SCAPER: variants seen among roughly 807,000 people sequenced by gnomAD.
SCAPER encodes S-phase cyclin A associated protein in the ER.
Under a neutral mutation model 182.2 loss-of-function variants are expected in SCAPER, and 98 were observed. The observed-to-expected ratio is 0.54, with a 90% confidence interval of 0.46 to 0.64. The LOEUF (loss-of-function observed/expected upper bound fraction) is 0.64. SCAPER is among the 30% of genes least tolerant of loss of function. The pLI, the probability that SCAPER is intolerant of heterozygous loss-of-function variation, is 0.00. For synonymous variants in SCAPER, 605 were observed against 564.6 expected (o/e 1.07, Z -1.01); for missense variants, 1,432 against 1,690.0 (o/e 0.85, Z 2.68).
intron 21 of SCAPER, among the ~76,000 whole-genome samples, chr15:76,630,113 T>C (rs900858005): frequency 6.6e-6 from 1 of 152,274 alleles, no homozygotes; most frequent in East Asian, 1.9e-4. Flanking sequence ...GGAAACACAG[T>C]ATTCTCTATT....
At chr15:76,640,093 C>T (rs1284426544) in intron 21 of SCAPER, among the ~76,000 whole-genome samples, 1 of 152,118 alleles carries the variant, frequency 6.6e-6, no homozygotes, top group African/African-American at 2.4e-5. Context: ...TAATAATGGG[C>T]TTGATTGCTG....
chr15:76,629,791 G>C (rs1275778524), intron 21 of SCAPER, among the ~76,000 whole-genome samples: 1 of 152,132 alleles, frequency 6.6e-6, no homozygotes, highest in African/African-American at 2.4e-5. Context: ...TTAGGGAGAA[G>C]TCCCTCCCTT....
intron 21 of SCAPER, among the ~76,000 whole-genome samples, chr15:76,624,682 G>A (rs1333332030): frequency 6.6e-6 from 1 of 152,204 alleles, no homozygotes; most frequent in African/African-American, 2.4e-5. Context: ...TTCTGGTGAA[G>A]TTTTGCTGGG....
intron 27 of SCAPER, among the ~76,000 whole-genome samples, chr15:76,396,206 T>C (rs1189083018): frequency 2.0e-5 from 3 of 152,224 alleles, no homozygotes; most frequent in Non-Finnish European, 2.9e-5. Flanking sequence ...TTTATGCCAG[T>C]ACCATGCTGT....
chr15:76,488,296 T>G (rs1045942684), intron 24 of SCAPER, among the ~76,000 whole-genome samples: 1 of 152,188 alleles, frequency 6.6e-6, no homozygotes, highest in Non-Finnish European at 1.5e-5. Context: ...GCACAGAGGA[T>G]GATAAAATTT....
intron 22 of SCAPER, among the ~76,000 whole-genome samples, chr15:76,590,458 AG>A: frequency 6.6e-6 from 1 of 152,362 alleles, no homozygotes; most frequent in South Asian, 2.1e-4. Context: ...GAATGCACAT[AG>A]ACTTTGGCCC....
intron 22 of SCAPER, among the ~76,000 whole-genome samples, chr15:76,582,697 G>C (rs2048352549): frequency 6.6e-6 from 1 of 152,118 alleles, no homozygotes; most frequent in African/African-American, 2.4e-5. Flanking sequence ...TGACCTCAAA[G>C]TATACTACAA....
intron 26 of SCAPER, among the ~76,000 whole-genome samples, chr15:76,420,468 C>A (rs1224224641): frequency 6.6e-6 from 1 of 151,858 alleles, no homozygotes; most frequent in African/African-American, 2.4e-5. Flanking sequence ...CAAAAATCAA[C>A]ATACAAAAAT....
At chr15:76,618,374 T>C (rs1375010568) in intron 22 of SCAPER, among the ~76,000 whole-genome samples, 1 of 152,250 alleles carries the variant, frequency 6.6e-6, no homozygotes, top group East Asian at 1.9e-4. Context: ...CTATCTCATA[T>C]TCCTTCTTTC....
At chr15:76,751,729 G>A (rs559686594) in intron 15 of SCAPER, among the ~76,000 whole-genome samples, 4 of 151,588 alleles carry the variant, frequency 2.6e-5, no homozygotes, top group East Asian at 3.9e-4. Flanking sequence ...AAATTAACTC[G>A]AAATGGATCA....
chr15:76,686,863 A>G (rs752571841), intron 20 of SCAPER, among the ~76,000 whole-genome samples: 22 of 152,166 alleles, frequency 1.4e-4, no homozygotes, highest in Admixed American at 2.0e-4. Context: ...ACATTTTAGG[A>G]ATAGACCTAC....
chr15:76,707,514 A>T (rs2059321825), intron 17 of SCAPER, among the ~76,000 whole-genome samples: 1 of 152,122 alleles, frequency 6.6e-6, no homozygotes. Flanking sequence ...AATATTTTTT[A>T]AAAATTAAAG....
Position 76,649,609 on chromosome 15 carries a change from A to T in SCAPER, c.2645+16044T>A, listed in dbSNP as rs555251916. ...ATATTTTTTACATATAAAAATATATACAGCAGAAAAGAAAAAATAAGAAAC... is the reference window on the plus strand; with the variant it reads ...ATATTTTTTACATATAAAAATATATTCAGCAGAAAAGAAAAAATAAGAAAC... On this transcript the variant is annotated intron_variant, in intron 21 of 31. Coordinates refer to ENST00000563290, the MANE Select transcript of SCAPER (RefSeq NM_020843.4). Among the ~76,000 whole-genome samples the T allele has an allele frequency of 2.9e-4, 44 of 150,692 alleles. 1 individual carries two copies. Among genetic ancestry groups the T allele is most frequent in the African/African-American group, 1.0e-3 (42 of 41,388 alleles).
At chr15:76,399,795 A>G (rs62028388) in intron 27 of SCAPER, among the ~76,000 whole-genome samples, 3,820 of 152,252 alleles carry the variant, frequency 0.025, 71 homozygotes, top group Middle Eastern at 0.041. Flanking sequence ...ATCTGAGGTC[A>G]GGAGTTTGAG....
chr15:76,496,902 G>T (rs1021839712), intron 24 of SCAPER, among the ~76,000 whole-genome samples: 1 of 151,976 alleles, frequency 6.6e-6, no homozygotes, highest in Non-Finnish European at 1.5e-5. Context: ...AAAGTATCAG[G>T]TTCATTTGGC....
Position 76,759,546 on chromosome 15 carries a change from T to C in SCAPER, c.1725+5415A>G, listed in dbSNP as rs190841236. On this transcript the variant is annotated intron_variant, in intron 14 of 31. Transcript: ENST00000563290. Reference sequence around the variant, plus strand: ...CTCCTAAAGAACCCACCTCTTAATATTGTTACAATAGCAATTAAACTTCAT... The same window carrying C: ...CTCCTAAAGAACCCACCTCTTAATACTGTTACAATAGCAATTAAACTTCAT... Among the ~76,000 whole-genome samples, 33 of 152,268 alleles carry C rather than the reference T, an allele frequency of 2.2e-4. No individual in the cohort carries two copies. The East Asian group carries it at 6.2e-3, about 29-fold the overall frequency.
intron 24 of SCAPER, among the ~76,000 whole-genome samples, chr15:76,488,466 T>G (rs1289782827): frequency 1.3e-5 from 2 of 152,114 alleles, no homozygotes; most frequent in Non-Finnish European, 2.9e-5. Flanking sequence ...TTCCACTAAT[T>G]TTTTTGTCAC....
At chr15:76,565,826 T>A (rs895873140) in intron 23 of SCAPER, among the ~76,000 whole-genome samples, 3 of 152,178 alleles carry the variant, frequency 2.0e-5, no homozygotes, top group Admixed American at 6.5e-5. Context: ...GAAAAACGTC[T>A]GAAAAACATC....
intron 26 of SCAPER, among the ~76,000 whole-genome samples, chr15:76,423,176 A>C (rs1390466989): frequency 6.6e-6 from 1 of 152,116 alleles, no homozygotes; most frequent in Non-Finnish European, 1.5e-5. Flanking sequence ...TATTGATTGG[A>C]ATAGTTTCAG....
Sources: gnomAD v4.1 joint callset for allele counts (sites outside exome capture counted in the v4.1 genomes callset) on GRCh38, gnomAD v4.1.1 for gene constraint, MANE v1.5 for transcripts, NCBI Gene and HGNC (gene_info 2026-07-23, HGNC 2026-07-21) for gene names.